Variants in GPRIN3 observed in about 807,000 individuals in gnomAD.
GPRIN3 encodes the protein GPRIN family member 3.
GPRIN3 carries 12 observed loss-of-function variants against 13.7 expected under a neutral mutation model. That is an observed-to-expected ratio of 0.87 (90% CI 0.56 to 1.42). GPRIN3 has a LOEUF of 1.42. Among genes scored for constraint, GPRIN3 ranks in the 40% most tolerant of loss-of-function variants. The pLI is 0.00. For synonymous variants in GPRIN3, 377 were observed against 372.7 expected (o/e 1.01, Z -0.13); for missense variants, 1,009 against 958.7 (o/e 1.05, Z -0.69).
At chr4:89,298,577 G>A (rs186991013) in intron 1 of GPRIN3, among the ~76,000 whole-genome samples, 61 of 151,998 alleles carry the variant, frequency 4.0e-4, no homozygotes, top group African/African-American at 1.3e-3. Flanking sequence ...GCTTATTCCC[G>A]TTGTCTGGGA....
chr4:89,294,906 A>C (rs1724691109), intron 1 of GPRIN3, among the ~76,000 whole-genome samples: 1 of 152,236 alleles, frequency 6.6e-6, no homozygotes, highest in African/African-American at 2.4e-5. Context: ...CAAATTCCCA[A>C]GGAAAAATAA....
At chr4:89,293,843 T>C (rs1039535537) in intron 1 of GPRIN3, among the ~76,000 whole-genome samples, 9 of 152,210 alleles carry the variant, frequency 5.9e-5, no homozygotes, top group Admixed American at 1.3e-4. Flanking sequence ...CATATTACCA[T>C]AGTGGTTCTG....
At chr4:89,297,901 T>G (rs936840347) in intron 1 of GPRIN3, among the ~76,000 whole-genome samples, 3 of 152,152 alleles carry the variant, frequency 2.0e-5, no homozygotes, top group African/African-American at 7.2e-5. Flanking sequence ...AGTCTTAAAA[T>G]ACACTTGTGT....
chr4:89,296,731 G>T (rs1428763521), intron 1 of GPRIN3, among the ~76,000 whole-genome samples: 1 of 152,106 alleles, frequency 6.6e-6, no homozygotes, highest in Non-Finnish European at 1.5e-5. Context: ...TTTTTCTTTT[G>T]AGAAACAAAG....
chr4:89,305,926 AG>A (rs1725022309), intron 1 of GPRIN3, among the ~76,000 whole-genome samples: 1 of 152,180 alleles, frequency 6.6e-6, no homozygotes, highest in South Asian at 2.1e-4. Context: ...TCATTTTCGT[AG>A]AAGTCTAGTT....
intron 1 of GPRIN3, among the ~76,000 whole-genome samples, chr4:89,261,899 C>T (rs1471373189): frequency 2.6e-5 from 4 of 151,752 alleles, no homozygotes; most frequent in East Asian, 1.9e-4. Context: ...ATAGCCTGAG[C>T]TTAGGAGTTC....
At chr4:89,267,879 A>G (rs1326534624) in intron 1 of GPRIN3, among the ~76,000 whole-genome samples, 1 of 152,194 alleles carries the variant, frequency 6.6e-6, no homozygotes, top group African/African-American at 2.4e-5. Flanking sequence ...GTTGTCCTGA[A>G]AGCTTCAGCA....
intron 1 of GPRIN3, among the ~76,000 whole-genome samples, chr4:89,304,774 G>A (rs1204358972): frequency 6.6e-6 from 1 of 151,866 alleles, no homozygotes; most frequent in Non-Finnish European, 1.5e-5. Flanking sequence ...CTTTTCCCCT[G>A]AGCCCTATTC....
chr4:89,250,180 A>G lies in GPRIN3; in HGVS notation c.-70T>C, dbSNP rs1723288706. 5.2e-6 allele frequency: 8 copies of G among 1,537,348 alleles called. No homozygotes were observed. The highest frequency in any genetic ancestry group is 5.2e-5 in the South Asian group (4 of 77,654). On this transcript the variant is annotated 5_prime_UTR_variant, in exon 2 of 2. Coordinates refer to ENST00000609438, the MANE Select transcript of GPRIN3 (RefSeq NM_198281.3). ...TCCCACTGGTGGGGGAGGGGAGCGC[A>G]GTCAGAGCTCAGAGTGATGACACAG...
intron 1 of GPRIN3, among the ~76,000 whole-genome samples, chr4:89,295,453 T>C (rs1452832540): frequency 6.6e-6 from 1 of 152,168 alleles, no homozygotes; most frequent in Non-Finnish European, 1.5e-5. Context: ...CTTTCTTGCA[T>C]GCCCACATTA....
At chr4:89,306,235 C>T (rs565765132) in intron 1 of GPRIN3, among the ~76,000 whole-genome samples, 3 of 152,206 alleles carry the variant, frequency 2.0e-5, no homozygotes, top group South Asian at 4.1e-4. Context: ...ACCTTTATTC[C>T]CACAATTGTT....
chr4:89,288,104 C>A (rs1724472764), intron 1 of GPRIN3, among the ~76,000 whole-genome samples: 1 of 152,264 alleles, frequency 6.6e-6, no homozygotes. Context: ...AATCTTGCTC[C>A]TGGCATTGGA....
Position 89,247,541 on chromosome 4 carries a change from G to A in GPRIN3, c.*239C>T, listed in dbSNP as rs1039464697. The stretch of plus-strand genomic sequence containing the variant: ...GTGAGTATTATTTTCAATTTGTTAA[G>A]GTTGCAAACCTTCAGTGAAGCTTGT... On this transcript the variant is annotated 3_prime_UTR_variant, in exon 2 of 2. Transcript: ENST00000609438. 6.7e-6 allele frequency: 3 copies of A among 448,936 alleles called. No homozygotes were observed. Among genetic ancestry groups the A allele is most frequent in the Admixed American group, 7.9e-5 (2 of 25,462 alleles). The allele number at this position is 448,936 out of a possible 1,614,324, so 27.8% of individuals were successfully genotyped here.
intron 1 of GPRIN3, among the ~76,000 whole-genome samples, chr4:89,279,140 T>C (rs1249478508): frequency 2.6e-5 from 4 of 152,174 alleles, no homozygotes; most frequent in Non-Finnish European, 5.9e-5. Flanking sequence ...ACAGTGAATT[T>C]GGGGAGGTTG....
chr4:89,298,219 T>C (rs1277768512), intron 1 of GPRIN3, among the ~76,000 whole-genome samples: 1 of 152,182 alleles, frequency 6.6e-6, no homozygotes, highest in Non-Finnish European at 1.5e-5. Flanking sequence ...TCACTTCTGC[T>C]ACCCTCTGCT....
chr4:89,247,756 A>T lies in GPRIN3; in HGVS notation c.*24T>A. The T allele has an allele frequency of 6.4e-7, 1 of 1,573,350 alleles. No homozygotes were observed. Among genetic ancestry groups the T allele is most frequent in the Non-Finnish European group, 8.6e-7 (1 of 1,157,706 alleles). On this transcript the variant is annotated 3_prime_UTR_variant, in exon 2 of 2. Coordinates refer to ENST00000609438, the MANE Select transcript of GPRIN3 (RefSeq NM_198281.3). ...GCATGTGAATACCGTAAATTTATAC[A>T]CAAACTCCCATAAATACTCCCTTTC...
At chr4:89,264,326 T>C (rs1272987356) in intron 1 of GPRIN3, among the ~76,000 whole-genome samples, 1 of 152,172 alleles carries the variant, frequency 6.6e-6, no homozygotes. Flanking sequence ...CTGGCTCCCT[T>C]TTGCCTTCTA....
At position 89,248,119 on chromosome 4, in the gene GPRIN3, T is replaced by C. The variant is rs1236996647; in HGVS notation, c.1992A>G (p.Lys664=). Reference sequence around the variant, plus strand: ...GCTTGGAGTCTGCGCCAAGCTGCTTTTTCTTATCTCCTGGAGTGAGTCCTA... The same window carrying C: ...GCTTGGAGTCTGCGCCAAGCTGCTTCTTCTTATCTCCTGGAGTGAGTCCTA... ...AQVGLTPGDK[K]KQLGADSKLQ... The change falls in exon 2 of 2, where the codon AAA becomes AAG. Residue 664 remains lysine, a synonymous_variant. Transcript: ENST00000609438. 6.2e-7 allele frequency: 1 copy of C among 1,614,144 alleles called. No homozygotes were observed. Among genetic ancestry groups the C allele is most frequent in the Non-Finnish European group, 8.5e-7 (1 of 1,180,006 alleles).
rs889563416 is a variant in GPRIN3, at chr4:89,237,782, T to G, written c.*9998A>C. On this transcript the variant is annotated 3_prime_UTR_variant, in exon 2 of 2. Coordinates refer to ENST00000609438, the MANE Select transcript of GPRIN3 (RefSeq NM_198281.3). ...CCTTCACAAGAAACAAGAGGTATTTTGAGTTCACAATCAGTCCAGTGAAGC... is the reference window on the plus strand; with the variant it reads ...CCTTCACAAGAAACAAGAGGTATTTGGAGTTCACAATCAGTCCAGTGAAGC... 3.3e-5 allele frequency: 5 copies of G among 152,232 alleles called. No individual in the cohort carries two copies. Among genetic ancestry groups the G allele is most frequent in the Admixed American group, 6.5e-5 (1 of 15,286 alleles). 9.4% of individuals were successfully genotyped at this position (152,232 alleles called of 1,614,324 possible). A position where few individuals can be genotyped will look rare whatever the true frequency, so the allele number is the denominator to read the frequency against.
Sources: gnomAD v4.1 joint callset for allele counts (sites outside exome capture counted in the v4.1 genomes callset) on GRCh38, gnomAD v4.1.1 for gene constraint, MANE v1.5 for transcripts, NCBI Gene and HGNC (gene_info 2026-07-23, HGNC 2026-07-21) for gene names.